KAT6B: variants seen among roughly 807,000 people sequenced by gnomAD.
The protein encoded by KAT6B is histone acetyltransferase KAT6B.
Under a neutral mutation model 187.5 loss-of-function variants are expected in KAT6B, and 10 were observed. The ratio of observed to expected loss-of-function variants is 0.05; its 90% CI spans 0.03 to 0.09. The LOEUF is 0.09. KAT6B is among the 10% of genes least tolerant of loss of function. KAT6B has a pLI of 1.00. For synonymous variants in KAT6B, 861 were observed against 926.8 expected (o/e 0.93, Z 1.29); for missense variants, 1,952 against 2,558.9 (o/e 0.76, Z 5.12).
intron 10 of KAT6B, among the ~76,000 whole-genome samples, chr10:74,979,746 A>G (rs1352894050): frequency 6.6e-6 from 1 of 152,062 alleles, no homozygotes; most frequent in African/African-American, 2.4e-5. Context: ...GATTTCTGGC[A>G]TTTTATTTTC....
chr10:74,947,124 G>A (rs1362032028), intron 3 of KAT6B, among the ~76,000 whole-genome samples: 1 of 152,022 alleles, frequency 6.6e-6, no homozygotes, highest in Non-Finnish European at 1.5e-5. Flanking sequence ...AGCCTCCCTA[G>A]TAGCTGGGAT....
At chr10:74,843,605 C>A in intron 3 of KAT6B, 127 bp downstream of exon 3, 1 of 1,186,260 alleles carries the variant, frequency 8.4e-7, no homozygotes, top group Non-Finnish European at 1.2e-6. Flanking sequence ...TGCCTTAGAG[C>A]AGGCTTTTGT....
chr10:74,927,121 GGTTTGACCTAGAT>G (rs1441248835), intron 3 of KAT6B, among the ~76,000 whole-genome samples: 1 of 152,122 alleles, frequency 6.6e-6, no homozygotes, highest in Non-Finnish European at 1.5e-5. Context: ...CATTGTTCTG[GGTTTGACCTAGAT>G]GTTGATGTAA....
At position 75,031,615 on chromosome 10, in the gene KAT6B, TA is replaced by T. The variant is rs943431911; in HGVS notation, c.*577del. On this transcript the variant is annotated 3_prime_UTR_variant, in exon 18 of 18. Transcript: ENST00000287239. ...TTAGGGTGCCCTAATTTGAGGGTTT[TA>T]AAAAAAACTATATTTTTGTTAATTA... The T allele has an allele frequency of 6.1e-5, 13 of 213,854 alleles. No individual in the cohort carries two copies. Among genetic ancestry groups the T allele is most frequent in the East Asian group, 4.2e-4 (6 of 14,190 alleles). The allele number at this position is 213,854 out of a possible 1,614,324, so 13.2% of individuals were successfully genotyped here.
chr10:74,962,294 C>T (rs977263791), intron 4 of KAT6B, among the ~76,000 whole-genome samples: 4 of 152,074 alleles, frequency 2.6e-5, no homozygotes, highest in African/African-American at 9.7e-5. Context: ...TCTTGTGGTT[C>T]TAAGGCTCTG....
chr10:75,030,844 A>C lies in KAT6B; in HGVS notation c.6020A>C (p.His2007Pro). 6.2e-7 allele frequency: 1 copy of C among 1,614,238 alleles called. No individual in the cohort carries two copies. Among genetic ancestry groups the C allele is most frequent in the South Asian group, 1.1e-5 (1 of 91,092 alleles). Residue 2007 changes from histidine to proline, a missense_variant, in exon 18 of 18, where the codon CAC (histidine) becomes CCC (proline). Around this residue, in one of 9 missense-constraint regions of KAT6B, gnomAD observed 358 missense variants for 436.3 expected, o/e 0.82. Coordinates refer to ENST00000287239, the MANE Select transcript of KAT6B (RefSeq NM_012330.4). The surrounding 1 kb of genome is among the most constrained non-coding windows in gnomAD (Gnocchi z 4.8). ...CAGCCAATGATGAACAGTGGCTACC[A>C]CAGCAATCATGGCTATATGAATCAA... is the stretch of plus-strand genomic sequence containing the variant. ...MSQPMMNSGYHSNHGYMNQTP... is the reference protein window; with the variant it reads ...MSQPMMNSGYPSNHGYMNQTP...
chr10:75,007,773 A>G (rs1200376887), intron 13 of KAT6B, among the ~76,000 whole-genome samples: 2 of 152,192 alleles, frequency 1.3e-5, no homozygotes, highest in Non-Finnish European at 2.9e-5. Flanking sequence ...ATGGGAGGTG[A>G]CATCCTATGG....
chr10:74,971,859 A>C (rs1398369841), intron 6 of KAT6B, among the ~76,000 whole-genome samples: 3 of 152,086 alleles, frequency 2.0e-5, no homozygotes, highest in African/African-American at 2.4e-5. Flanking sequence ...TTCCAGATAG[A>C]TAGCTATTTG....
At chr10:74,839,919 G>A (rs1841604170) in intron 2 of KAT6B, among the ~76,000 whole-genome samples, 1 of 152,182 alleles carries the variant, frequency 6.6e-6, no homozygotes, top group African/African-American at 2.4e-5. Flanking sequence ...TGAAACAAAA[G>A]TGAGTACTTA....
At chr10:74,866,435 G>A (rs1454876957) in intron 3 of KAT6B, among the ~76,000 whole-genome samples, 1 of 151,988 alleles carries the variant, frequency 6.6e-6, no homozygotes, top group African/African-American at 2.4e-5. Context: ...CCTAATTGTT[G>A]AATCTAGGTG....
intron 3 of KAT6B, among the ~76,000 whole-genome samples, chr10:74,931,681 T>C (rs1434543964): frequency 6.6e-6 from 1 of 152,194 alleles, no homozygotes; most frequent in Non-Finnish European, 1.5e-5. Context: ...TTTTAGAATA[T>C]GATTTGCCAG....
intron 13 of KAT6B, among the ~76,000 whole-genome samples, chr10:74,997,466 G>A (rs1564613058): frequency 6.6e-6 from 1 of 152,120 alleles, no homozygotes; most frequent in Non-Finnish European, 1.5e-5. Flanking sequence ...CATTCTATGG[G>A]TGTTGAAATT....
intron 3 of KAT6B, among the ~76,000 whole-genome samples, chr10:74,955,310 G>A (rs147639866): frequency 2.0e-5 from 3 of 150,662 alleles, no homozygotes; most frequent in Admixed American, 1.3e-4. Flanking sequence ...TATTAATCCC[G>A]CAGATATAGA....
intron 1 of KAT6B, among the ~76,000 whole-genome samples, chr10:74,836,430 T>C (rs1841315047): frequency 6.6e-6 from 1 of 152,238 alleles, no homozygotes; most frequent in African/African-American, 2.4e-5. Context: ...TCTTATATGT[T>C]CTGTCTCTAG....
At chr10:74,983,377 A>G (rs1842633496) in intron 11 of KAT6B, 2 of 152,308 alleles carry the variant, frequency 1.3e-5, no homozygotes, top group African/African-American at 4.8e-5. Flanking sequence ...CCAGTGGGCT[A>G]GAAGGAAGGC....
At chr10:74,949,616 A>C (rs1481264884) in intron 3 of KAT6B, among the ~76,000 whole-genome samples, 1 of 152,220 alleles carries the variant, frequency 6.6e-6, no homozygotes, top group Non-Finnish European at 1.5e-5. Flanking sequence ...GAGCATTTCA[A>C]TTAAGTCCAC....
chr10:74,845,520 TCAAAAAAAAAAAAAAAAA>T (rs1390550517), intron 3 of KAT6B, among the ~76,000 whole-genome samples: 10 of 67,060 alleles, frequency 1.5e-4, no homozygotes, highest in Middle Eastern at 0.019. Flanking sequence ...AGACTCTGTC[TCAAAAAAAAAAAAAAAAA>T]CAAAAAAAAA....
chr10:74,871,471 G>A (rs1281066630), intron 3 of KAT6B, among the ~76,000 whole-genome samples: 2 of 151,992 alleles, frequency 1.3e-5, no homozygotes, highest in Non-Finnish European at 1.5e-5. Flanking sequence ...GGGATTACAG[G>A]CGTGAGCCAC....
At chr10:74,871,257 A>G (rs1843937168) in intron 3 of KAT6B, among the ~76,000 whole-genome samples, 1 of 134,078 alleles carries the variant, frequency 7.5e-6, no homozygotes, top group Non-Finnish European at 1.5e-5. Context: ...CTATGGTGCC[A>G]TCTCAGCTCA....
Sources: allele counts gnomAD v4.1 joint callset (sites outside exome capture counted in the v4.1 genomes callset), GRCh38; gene constraint gnomAD v4.1.1; regional missense constraint gnomAD v4.1.1; non-coding constraint Gnocchi (gnomAD v3.1); transcripts MANE v1.5; gene names NCBI Gene and HGNC (gene_info 2026-07-23, HGNC 2026-07-21).